PTPA: variants seen among roughly 807,000 people sequenced by gnomAD.
PTPA encodes the protein serine/threonine-protein phosphatase 2A activator.
Under a neutral mutation model 43.6 loss-of-function variants are expected in PTPA, and 13 were observed. That is an observed-to-expected ratio of 0.30 (90% confidence interval 0.19 to 0.47). The LOEUF (loss-of-function observed/expected upper bound fraction) is 0.47, where lower values mean the gene tolerates loss of function less well. Ranked by LOEUF, PTPA falls within the 20% of genes least tolerant of loss-of-function variation. PTPA has a pLI of 0.99. For missense variants in PTPA, 329 were observed against 411.9 expected (o/e 0.80, Z 1.74); for synonymous variants, 172 against 158.2 (o/e 1.09, Z -0.66).
Position 129,142,483 on chromosome 9 carries a change from G to A in PTPA, c.825G>A (p.Leu275=). ...CATTTGCAGAGCACTCCAACCAGCT[G>A]TGGAACATCAGCGCCGTCCCTTCCT... ...TGPFAEHSNQ[L]WNISAVPSWS... The change falls in exon 9 of 10, where the codon CTG becomes CTA. Residue 275 remains leucine (L), a synonymous_variant. Transcript: ENST00000393370. 1 of 1,608,282 alleles carries A rather than the reference G, an allele frequency of 6.2e-7. No homozygotes were observed. The highest frequency in any genetic ancestry group is 8.5e-7 in the Non-Finnish European group (1 of 1,175,582).
intron 8 of PTPA, chr9:129,139,764 C>T (rs568709432): frequency 2.0e-5 from 3 of 152,180 alleles, no homozygotes; most frequent in East Asian, 1.9e-4. Context: ...CCATGGTGCT[C>T]TTTTAACTGG....
chr9:129,138,048 A>G (rs542843215), intron 8 of PTPA: 84 of 349,766 alleles, frequency 2.4e-4, no homozygotes, highest in African/African-American at 1.6e-3. Context: ...GGGGCCCCAC[A>G]AGGGTCTGTA....
At chr9:129,125,516 T>TG (rs1177036692) in intron 3 of PTPA, among the ~76,000 whole-genome samples, 3 of 152,196 alleles carry the variant, frequency 2.0e-5, no homozygotes, top group Non-Finnish European at 4.4e-5. Flanking sequence ...GTGCTGGGAT[T>TG]GCAGGCGTGA....
At chr9:129,112,268 A>C (rs1039564731) in intron 1 of PTPA, among the ~76,000 whole-genome samples, 5 of 152,178 alleles carry the variant, frequency 3.3e-5, no homozygotes, top group Admixed American at 1.3e-4. Flanking sequence ...GCCTCTTTTT[A>C]GTTCATCTTA....
chr9:129,118,069 C>T (rs1309176766), intron 1 of PTPA, among the ~76,000 whole-genome samples: 1 of 150,376 alleles, frequency 6.6e-6, no homozygotes, highest in African/African-American at 2.5e-5. Flanking sequence ...TTTTTTTCCC[C>T]CGAGATGGAG....
intron 3 of PTPA, among the ~76,000 whole-genome samples, chr9:129,128,585 G>GGTCATTTT (rs1849741357): frequency 6.6e-6 from 1 of 151,504 alleles, no homozygotes; most frequent in Admixed American, 6.6e-5. Context: ...CAGGATTACT[G>GGTCATTTT]GTCATTTTCA....
Position 129,120,526 on chromosome 9 carries a change from G to T in PTPA, c.45G>T (p.Glu15Asp). ...TTTTTTGTCAAGATTCTTCAGAGGAGGCCCCTCCAGCCACTCAGAACTTCA... is the reference window on the plus strand; with the variant it reads ...TTTTTTGTCAAGATTCTTCAGAGGATGCCCCTCCAGCCACTCAGAACTTCA... ...ERQPPPDSSE[E>D]APPATQNFII... The change falls in exon 2 of 10, where the codon GAG becomes GAT. Residue 15 changes from glutamate (E) to aspartate (D), a missense_variant. Coordinates refer to ENST00000393370, the MANE Select transcript of PTPA (RefSeq NM_178000.3). 6.2e-7 allele frequency: 1 copy of T among 1,612,560 alleles called. No individual in the cohort carries two copies. The highest frequency in any genetic ancestry group is 2.2e-5 in the East Asian group (1 of 44,844).
chr9:129,141,200 A>G (rs1240974593), intron 8 of PTPA, among the ~76,000 whole-genome samples: 1 of 152,022 alleles, frequency 6.6e-6, no homozygotes, highest in Non-Finnish European at 1.5e-5. Context: ...CCCTTACTAG[A>G]GAAGTAAGAG....
rs747868957 is a variant in PTPA, at chr9:129,123,058, G to A, written c.136G>A (p.Ala46Thr). The change falls in exon 3 of 10, where the codon GCT (alanine) becomes ACT (threonine). Residue 46 changes from alanine (A) to threonine (T), a missense_variant. Transcript: ENST00000393370. ...TCTCCTCTCTGTTTGGTAGGCATACGCTGACTACATCGGATTCATCCTTAC... is the reference window on the plus strand; with the variant it reads ...TCTCCTCTCTGTTTGGTAGGCATACACTGACTACATCGGATTCATCCTTAC... ...MGKWKRSQAY[A>T]DYIGFILTLN... 7 of 1,608,350 alleles carry A rather than the reference G, an allele frequency of 4.4e-6. No individual in the cohort carries two copies. Among genetic ancestry groups the A allele is most frequent in the African/African-American group, 1.3e-5 (1 of 74,790 alleles).
rs143824498 is a variant in PTPA at position 129,132,603 on chromosome 9, C to A, written c.460+964C>A. 1.6e-3 allele frequency among the ~76,000 whole-genome samples: 248 copies of A among 152,240 alleles called. 1 individual carries two copies. Among genetic ancestry groups the A allele is most frequent in the African/African-American group, 5.5e-3 (230 of 41,522 alleles). On this transcript the variant is annotated intron_variant, in intron 5 of 9. Coordinates refer to ENST00000393370, the MANE Select transcript of PTPA (RefSeq NM_178000.3). Reference sequence around the variant, plus strand: ...GCAACCTCCACCTCCTGGGTTCAAGCGATTATTCTGCTGGGACTATAGGCA... The same window carrying A: ...GCAACCTCCACCTCCTGGGTTCAAGAGATTATTCTGCTGGGACTATAGGCA...
Position 129,137,804 on chromosome 9 carries a change from G to T in PTPA, c.786+112G>T, listed in dbSNP as rs768127364. 6.8e-5 allele frequency: 68 copies of T among 1,004,018 alleles called. No homozygotes were observed. The South Asian group carries it at 8.1e-4, about 12-fold the overall frequency. 62.2% of individuals were successfully genotyped at this position (1,004,018 alleles called of 1,614,324 possible). A position where few individuals can be genotyped will look rare whatever the true frequency, so the allele number is the denominator to read the frequency against. ...GCCAGAGCTGCTGCCCAAAATGGCA[G>T]GGCCGGCCGGAGCGGGTTATTGAAA... is the stretch of plus-strand genomic sequence containing the variant. On this transcript the variant is annotated intron_variant, in intron 8 of 9. Coordinates refer to ENST00000393370, the MANE Select transcript of PTPA (RefSeq NM_178000.3).
In PTPA at chr9:129,111,450, A is replaced by C; in HGVS notation, c.-151A>C. The C allele has an allele frequency of 8.0e-7, 1 of 1,254,632 alleles. No homozygotes were observed. The highest frequency in any genetic ancestry group is 3.2e-5 in the East Asian group (1 of 31,648). The allele number at this position is 1,254,632 out of a possible 1,614,324, so 77.7% of individuals were successfully genotyped here. A position where few individuals can be genotyped will look rare whatever the true frequency, so the allele number is the denominator to read the frequency against. On this transcript the variant is annotated 5_prime_UTR_variant, in exon 1 of 10. Transcript: ENST00000393370. ...CGGCCGTCTTCGCTGTGGTGACTTT[A>C]ACTCTCGGTTTTCGGTTATAGCCGG...
intron 8 of PTPA, among the ~76,000 whole-genome samples, chr9:129,141,104 T>G (rs1302589426): frequency 1.3e-5 from 2 of 152,052 alleles, no homozygotes; most frequent in Non-Finnish European, 2.9e-5. Flanking sequence ...ATGGGCTTTT[T>G]GGGAACCTGG....
At position 129,123,150 on chromosome 9, in the gene PTPA, G is replaced by A; in HGVS notation, c.216+12G>A. The A allele has an allele frequency of 6.3e-7, 1 of 1,592,948 alleles. No individual in the cohort carries two copies. The highest frequency in any genetic ancestry group is 8.6e-7 in the Non-Finnish European group (1 of 1,161,960). On this transcript the variant is annotated intron_variant, in intron 3 of 9. Transcript: ENST00000393370. The stretch of plus-strand genomic sequence containing the variant: ...ACAGAGTCTCCGAGGTAGGCCCAAG[G>A]AGGAGCTGCTGCAGCAGCCTTTCCA...
At chr9:129,134,991 T>C (rs1850262886) in intron 6 of PTPA, 97 bp downstream of exon 6, 3 of 981,014 alleles carry the variant, frequency 3.1e-6, no homozygotes, top group African/African-American at 1.6e-5. Context: ...TTCTCCTGAG[T>C]AGCTCATGGT....
At chr9:129,123,008 C>A in intron 2 of PTPA, 44 bp from the exon 3 acceptor site, 1 of 1,442,820 alleles carries the variant, frequency 6.9e-7, no homozygotes, top group Non-Finnish European at 9.5e-7. Flanking sequence ...GCGGGGGGGT[C>A]TGCCACCCCT....
chr9:129,131,891 G>T (rs769676214), intron 5 of PTPA, among the ~76,000 whole-genome samples: 2 of 152,200 alleles, frequency 1.3e-5, no homozygotes, highest in Non-Finnish European at 2.9e-5. Flanking sequence ...TGGTGCTTGC[G>T]CAGCGCTGCT....
chr9:129,131,525 G>A lies in PTPA; in HGVS notation c.346G>A (p.Ala116Thr). The change falls in exon 5 of 10, where the codon GCA (alanine) becomes ACA (threonine). Residue 116 changes from alanine (A) to threonine (T), a missense_variant. Physicochemically the swap from Ala to Thr is moderately conservative, Grantham distance 58 (BLOSUM62 0). Transcript: ENST00000393370. ...TTTGTGTCTCTTGTGTTACCAGGAA[G>A]CAGAAAACTTGGTGGCCACAGTGGT... is the stretch of plus-strand genomic sequence containing the variant. ...RTWYAKLDEE[A>T]ENLVATVVPT... is the part of the protein sequence containing the mutation. The A allele has an allele frequency of 6.2e-7, 1 of 1,613,446 alleles. No individual in the cohort carries two copies. Among genetic ancestry groups the A allele is most frequent in the Non-Finnish European group, 8.5e-7 (1 of 1,179,966 alleles).
intron 3 of PTPA, among the ~76,000 whole-genome samples, chr9:129,125,730 C>T (rs951066419): frequency 6.6e-6 from 1 of 152,128 alleles, no homozygotes; most frequent in African/African-American, 2.4e-5. Context: ...CACTGAGATC[C>T]CACGAGTAGT....
Sources: gnomAD v4.1 joint callset for allele counts (sites outside exome capture counted in the v4.1 genomes callset) on GRCh38, gnomAD v4.1.1 for gene constraint, MANE v1.5 for transcripts, NCBI Gene and HGNC (gene_info 2026-07-23, HGNC 2026-07-21) for gene names.